The following CCDC91 variants were observed in gnomAD, a reference collection of about 807,000 sequenced individuals.
The protein encoded by CCDC91 is coiled-coil domain containing 91, also known as coiled-coil domain-containing protein 91.
In CCDC91, 48 loss-of-function variants were observed where a neutral mutation model predicts 63.2. That is an observed-to-expected ratio of 0.76 (90% CI 0.60 to 0.97). CCDC91 has a LOEUF of 0.97. CCDC91 is among the 50% of genes least tolerant of loss of function. The pLI is 0.00. For synonymous variants in CCDC91, 167 were observed against 165.8 expected, an observed-to-expected ratio of 1.01 and a Z score of -0.06; for missense variants, 500 against 494.6, an observed-to-expected ratio of 1.01 and a Z score of -0.10.
intron 3 of CCDC91, among the ~76,000 whole-genome samples, chr12:28,303,816 G>A (rs1254491828): frequency 6.6e-6 from 1 of 152,018 alleles, no homozygotes; most frequent in East Asian, 1.9e-4. Flanking sequence ...TGGCAGTGTG[G>A]TTCTAGAGTC....
intron 8 of CCDC91, among the ~76,000 whole-genome samples, chr12:28,407,991 A>C (rs1426262853): frequency 1.4e-5 from 2 of 147,550 alleles, no homozygotes; most frequent in Non-Finnish European, 3.0e-5. Flanking sequence ...TTTTACTTTA[A>C]GTTCTGGGAT....
Position 28,223,368 on chromosome 12 carries a change from T to C in CCDC91, c.-15+32727T>C, listed in dbSNP as rs1205327955. 2.6e-5 allele frequency among the ~76,000 whole-genome samples: 4 copies of C among 152,164 alleles called. No homozygotes were observed. The East Asian group carries it at 7.7e-4, about 29-fold the overall frequency. On this transcript the variant is annotated intron_variant, in intron 1 of 12. Coordinates refer to ENST00000536442, the MANE Select transcript of CCDC91 (RefSeq NM_018318.5). The stretch of plus-strand genomic sequence containing the variant: ...CTAGTACCTGTCTGATATTTCCATA[T>C]GTAAATGAGTTTCTTTGTCATCTTT...
chr12:28,288,344 T>G (rs976200476), intron 3 of CCDC91, among the ~76,000 whole-genome samples: 1 of 152,226 alleles, frequency 6.6e-6, no homozygotes, highest in Non-Finnish European at 1.5e-5. Context: ...GGGTTTGTCA[T>G]GTGTCTCATT....
intron 1 of CCDC91, among the ~76,000 whole-genome samples, chr12:28,230,536 G>C (rs1281594089): frequency 3.9e-5 from 6 of 152,180 alleles, no homozygotes; most frequent in African/African-American, 1.4e-4. Flanking sequence ...CTACACAGAA[G>C]CATGAGGCTA....
In CCDC91 at chr12:28,471,758, C is replaced by CTTTTTTTTT. The variant is rs375850875; in HGVS notation, c.1102-12293_1102-12285dup. 5.5e-4 allele frequency among the ~76,000 whole-genome samples: 82 copies of CTTTTTTTTT among 149,416 alleles called. 1 individual carries two copies. The highest frequency in any genetic ancestry group is 3.5e-3 in the Middle Eastern group (1 of 282). ...ACATTGTTTTGTTTATTTTCTCTCT[C>CTTTTTTTTT]TTTTTTTTTGAAATGGGGTCTTGAT... On this transcript the variant is annotated intron_variant, in intron 11 of 12. Transcript: ENST00000536442.
intron 3 of CCDC91, among the ~76,000 whole-genome samples, chr12:28,303,161 C>T (rs954842992): frequency 3.3e-5 from 5 of 152,046 alleles, no homozygotes; most frequent in Non-Finnish European, 5.9e-5. Context: ...TTAATAGTAT[C>T]TGATACAACA....
chr12:28,538,846 T>C (rs1195822021), intron 12 of CCDC91, among the ~76,000 whole-genome samples: 2 of 152,236 alleles, frequency 1.3e-5, no homozygotes, highest in East Asian at 3.9e-4. Flanking sequence ...TTTGCATTTC[T>C]CTGATGGCCA....
chr12:28,208,003 T>C (rs1326492283), intron 1 of CCDC91, among the ~76,000 whole-genome samples: 4 of 152,264 alleles, frequency 2.6e-5, no homozygotes, highest in Non-Finnish European at 5.9e-5. Flanking sequence ...AAGTATTTCC[T>C]TGGTATTTAA....
chr12:28,439,928 A>G (rs1431438726), intron 8 of CCDC91, among the ~76,000 whole-genome samples: 2 of 151,584 alleles, frequency 1.3e-5, no homozygotes, highest in Admixed American at 1.3e-4. Flanking sequence ...TATCTAATGT[A>G]TTAGTGGGAC....
intron 6 of CCDC91, among the ~76,000 whole-genome samples, chr12:28,344,830 G>T (rs902351605): frequency 3.7e-4 from 57 of 152,098 alleles, no homozygotes; most frequent in African/African-American, 1.3e-3. Flanking sequence ...AACATTGGTT[G>T]TTTATATCCA....
chr12:28,440,839 G>A (rs186428559), intron 8 of CCDC91, among the ~76,000 whole-genome samples: 3 of 151,896 alleles, frequency 2.0e-5, no homozygotes, highest in Non-Finnish European at 4.4e-5. Context: ...TGGGCGGATT[G>A]CCTGAGCTCA....
At chr12:28,436,643 A>G (rs1186884128) in intron 8 of CCDC91, among the ~76,000 whole-genome samples, 18 of 151,868 alleles carry the variant, frequency 1.2e-4, no homozygotes, top group Admixed American at 7.9e-4. Context: ...GAACTCTTTT[A>G]ACATGTCTTG....
chr12:28,341,780 G>A (rs1942442816), intron 6 of CCDC91, among the ~76,000 whole-genome samples: 1 of 152,192 alleles, frequency 6.6e-6, no homozygotes, highest in African/African-American at 2.4e-5. Context: ...GGCTGAGAAT[G>A]CGTGGCTAGT....
chr12:28,213,339 C>T (rs1565620046), intron 1 of CCDC91, among the ~76,000 whole-genome samples: 1 of 152,168 alleles, frequency 6.6e-6, no homozygotes, highest in Non-Finnish European at 1.5e-5. Context: ...CAAAGTGTGA[C>T]CCATGAAGAC....
At chr12:28,335,939 TG>T (rs1941944489) in intron 6 of CCDC91, among the ~76,000 whole-genome samples, 2 of 151,384 alleles carry the variant, frequency 1.3e-5, no homozygotes, top group South Asian at 4.2e-4. Flanking sequence ...AAGTTTGGAC[TG>T]TTTTTTTTTT....
intron 3 of CCDC91, among the ~76,000 whole-genome samples, chr12:28,303,530 G>T (rs1030206022): frequency 2.6e-5 from 4 of 152,034 alleles, no homozygotes; most frequent in African/African-American, 9.7e-5. Flanking sequence ...ATAAATATGA[G>T]TAACATAAAT....
intron 1 of CCDC91, among the ~76,000 whole-genome samples, chr12:28,202,362 T>C (rs1038244884): frequency 6.6e-6 from 1 of 152,236 alleles, no homozygotes; most frequent in Admixed American, 6.5e-5. Context: ...AATTAGATAA[T>C]TAAATAATAT....
At chr12:28,512,227 G>A (rs951101451) in intron 12 of CCDC91, among the ~76,000 whole-genome samples, 29 of 151,876 alleles carry the variant, frequency 1.9e-4, no homozygotes, top group African/African-American at 7.0e-4. Flanking sequence ...ACCATGCCAA[G>A]CACCAAAGTT....
intron 1 of CCDC91, among the ~76,000 whole-genome samples, chr12:28,206,973 C>G (rs1426589074): frequency 4.6e-5 from 7 of 152,112 alleles, no homozygotes; most frequent in African/African-American, 1.7e-4. Flanking sequence ...TGTTCTGTTT[C>G]TGACTGATTA....
Sources: gnomAD v4.1 joint callset for allele counts (sites outside exome capture counted in the v4.1 genomes callset) on GRCh38, gnomAD v4.1.1 for gene constraint, MANE v1.5 for transcripts, NCBI Gene and HGNC (gene_info 2026-07-23, HGNC 2026-07-21) for gene names.